MTAP: variants seen among roughly 807,000 people sequenced by gnomAD.
MTAP encodes methylthioadenosine phosphorylase.
Under a neutral mutation model 33.6 loss-of-function variants are expected in MTAP, and 33 were observed. That is an observed-to-expected ratio of 0.98 (90% CI 0.74 to 1.31). MTAP has a LOEUF of 1.31. Among genes scored for constraint, MTAP ranks in the 40% most tolerant of loss-of-function variants. The probability of loss-of-function intolerance (pLI) is 0.00; values close to 1 mark genes in which losing one functional copy is unlikely to be tolerated. For synonymous variants in MTAP, 148 were observed against 125.7 expected (o/e 1.18, Z -1.19); for missense variants, 367 against 360.0 (o/e 1.02, Z -0.16).
Position 21,816,712 on chromosome 9 carries a change from A to T in MTAP, c.121-2A>T. ...TAAATGTCATTTTTTCATTGCATGCAGCCATCTGATGCCTTAATTTTGGGG... is the reference window on the plus strand; with the variant it reads ...TAAATGTCATTTTTTCATTGCATGCTGCCATCTGATGCCTTAATTTTGGGG... On this transcript the variant is annotated splice_acceptor_variant, in intron 2 of 7. Coordinates refer to ENST00000644715, the MANE Select transcript of MTAP (RefSeq NM_002451.4). LOFTEE classifies it high-confidence loss of function. 1 of 1,610,146 alleles carries T rather than the reference A, an allele frequency of 6.2e-7. No individual in the cohort carries two copies. The highest frequency in any genetic ancestry group is 1.3e-5 in the African/African-American group (1 of 74,896).
At chr9:21,938,993 G>C (rs1052539602), downstream of MTAP, among the ~76,000 whole-genome samples, 5 of 152,166 alleles carry the variant, frequency 3.3e-5, no homozygotes, top group Admixed American at 2.6e-4. Flanking sequence ...AACTTGAATT[G>C]TATCTCCCAG....
chr9:21,918,912 G>A lies in MTAP; in HGVS notation c.148-12096G>A, dbSNP rs577216220. Among the ~76,000 whole-genome samples the A allele has an allele frequency of 1.8e-4, 27 of 152,164 alleles. No individual in the cohort carries two copies. In the East Asian group the frequency reaches 3.7e-3, roughly 21 times the overall value. ...TCTTGGGGGTGTCTTTATTAGCAGC[G>A]TGAGAACAGACTAATAAAATGATAC... is the stretch of plus-strand genomic sequence containing the variant. On this transcript the variant is annotated intron_variant, in intron 1 of 1. Transcript: ENST00000577563.
intron 5 of MTAP, among the ~76,000 whole-genome samples, chr9:21,845,580 A>G (rs1476213291): frequency 6.6e-6 from 1 of 152,184 alleles, no homozygotes; most frequent in Non-Finnish European, 1.5e-5. Context: ...ATTGTTAAGA[A>G]TTCTTACAAA....
At chr9:21,854,357 C>T (rs1385291725) in intron 5 of MTAP, among the ~76,000 whole-genome samples, 1 of 152,110 alleles carries the variant, frequency 6.6e-6, no homozygotes, top group African/African-American at 2.4e-5. Flanking sequence ...TAAACAAATG[C>T]CTGGCGAGTA....
At chr9:21,831,132 T>TA (rs1824956283) in intron 4 of MTAP, among the ~76,000 whole-genome samples, 1 of 152,196 alleles carries the variant, frequency 6.6e-6, no homozygotes, top group Admixed American at 6.5e-5. Context: ...GAACTGATGA[T>TA]ATGGCCTTTC....
chr9:21,846,492 T>C (rs1401803143), intron 5 of MTAP, among the ~76,000 whole-genome samples: 2 of 151,370 alleles, frequency 1.3e-5, no homozygotes, highest in African/African-American at 4.9e-5. Flanking sequence ...GAAAAAATGC[T>C]CAAAATTACT....
chr9:21,833,904 C>G (rs1825036074), intron 4 of MTAP, among the ~76,000 whole-genome samples: 1 of 152,216 alleles, frequency 6.6e-6, no homozygotes, highest in African/African-American at 2.4e-5. Context: ...TTTTCTCCCT[C>G]TCTTTGAAAG....
intron 1 of MTAP, among the ~76,000 whole-genome samples, chr9:21,924,284 A>G (rs1818832112): frequency 1.3e-5 from 2 of 152,082 alleles, no homozygotes; most frequent in Admixed American, 6.5e-5. Context: ...ACATCTCCCT[A>G]CTACAGTACA....
chr9:21,861,615 T>C (rs114654069), intron 7 of MTAP: 135 of 231,224 alleles, frequency 5.8e-4, no homozygotes, highest in African/African-American at 2.9e-3. Context: ...TTTGGAGATA[T>C]AGACACATAA....
intron 1 of MTAP, among the ~76,000 whole-genome samples, chr9:21,873,314 A>G (rs2118656547): frequency 6.6e-6 from 1 of 152,240 alleles, no homozygotes; most frequent in East Asian, 1.9e-4. Context: ...CTGGCACATG[A>G]TTTGCACTTA....
intron 7 of MTAP, chr9:21,861,558 A>G (rs12346276): frequency 0.013 from 2,112 of 164,882 alleles, 40 homozygotes; most frequent in African/African-American, 0.047. Context: ...CTATACGTCA[A>G]GGTCTGGTTT....
chr9:21,894,211 T>TAA lies in MTAP; in HGVS notation c.148-36779_148-36778dup, dbSNP rs60193324. Among the ~76,000 whole-genome samples the TAA allele has an allele frequency of 9.9e-3, 1,285 of 129,718 alleles. 21 individuals carry two copies. Among genetic ancestry groups the TAA allele is most frequent in the East Asian group, 0.055 (242 of 4,398 alleles). The allele number at this position is 129,718 out of a possible 152,430, so 85.1% of individuals were successfully genotyped here. A position where few individuals can be genotyped will look rare whatever the true frequency, so the allele number is the denominator to read the frequency against. On this transcript the variant is annotated intron_variant, in intron 1 of 1. Coordinates refer to the MTAP transcript ENST00000577563. ...GATAAAATTCAACATCCTTTCATGT[T>TAA]AAAAAAAAAAAAAAAAAAACTAGGT...
intron 1 of MTAP, among the ~76,000 whole-genome samples, chr9:21,899,792 C>G (rs1215027163): frequency 2.0e-5 from 3 of 151,976 alleles, no homozygotes; most frequent in Non-Finnish European, 4.4e-5. Context: ...TGGATGGGAA[C>G]ACAGAGCCAA....
At chr9:21,820,821 TC>T (rs1824616518) in intron 4 of MTAP, among the ~76,000 whole-genome samples, 11 of 152,360 alleles carry the variant, frequency 7.2e-5, no homozygotes, top group African/African-American at 2.2e-4. Context: ...TTTGTAGTTC[TC>T]CTTGAAGAGG....
chr9:21,809,501 C>T (rs368738330), intron 1 of MTAP, among the ~76,000 whole-genome samples: 13 of 151,954 alleles, frequency 8.6e-5, no homozygotes, highest in Middle Eastern at 3.4e-3. Flanking sequence ...TAGCCGGGCA[C>T]GGTGGCAGCC....
At chr9:21,803,232 C>A (rs558695740) in intron 1 of MTAP, 10 of 318,992 alleles carry the variant, frequency 3.1e-5, no homozygotes, top group Non-Finnish European at 5.1e-5. Flanking sequence ...TGGTGCCTTG[C>A]GGGACTCCAG....
intron 1 of MTAP, among the ~76,000 whole-genome samples, chr9:21,872,175 T>C (rs1587265975): frequency 6.6e-6 from 1 of 152,250 alleles, no homozygotes; most frequent in East Asian, 1.9e-4. Context: ...TAAACAGGCA[T>C]GATGGTAGGC....
chr9:21,876,023 G>A (rs548761201), intron 1 of MTAP, among the ~76,000 whole-genome samples: 5 of 152,036 alleles, frequency 3.3e-5, no homozygotes, highest in Admixed American at 6.6e-5. Flanking sequence ...CCACAACCTC[G>A]TCAGCATCTG....
intron 4 of MTAP, among the ~76,000 whole-genome samples, chr9:21,818,860 A>G (rs1032867447): frequency 6.6e-6 from 1 of 152,234 alleles, no homozygotes; most frequent in Non-Finnish European, 1.5e-5. Context: ...CATGCAGTAT[A>G]ATCTCAAAAA....
Sources: gnomAD v4.1 joint callset for allele counts (sites outside exome capture counted in the v4.1 genomes callset) on GRCh38, gnomAD v4.1.1 for gene constraint, MANE v1.5 for transcripts, NCBI Gene and HGNC (gene_info 2026-07-23, HGNC 2026-07-21) for gene names.